Variants in ZNF385D observed in about 807,000 individuals in gnomAD.
ZNF385D encodes zinc finger protein 385D.
In ZNF385D, 15 loss-of-function variants were observed where a neutral mutation model predicts 35.8. The ratio of observed to expected loss-of-function variants is 0.42; its 90% CI spans 0.28 to 0.64. The LOEUF is 0.64. Ranked by LOEUF, ZNF385D falls within the 30% of genes least tolerant of loss-of-function variation. The probability of loss-of-function intolerance (pLI) is 0.23; values close to 1 mark genes in which losing one functional copy is unlikely to be tolerated. For missense variants in ZNF385D, 474 were observed against 494.6 expected (o/e 0.96, Z 0.39); for synonymous variants, 212 against 186.8 (o/e 1.13, Z -1.10).
At chr3:21,957,471 A>G (rs2125310872) in intron 3 of ZNF385D, among the ~76,000 whole-genome samples, 1 of 152,254 alleles carries the variant, frequency 6.6e-6, no homozygotes, top group African/African-American at 2.4e-5. Flanking sequence ...AATATGAACA[A>G]TAAGGTCCAG....
rs1575432248 is a variant in ZNF385D at position 21,670,647 on chromosome 3, G to GCCCCCCCCCCC, written c.23-5620_23-5619insGGGGGGGGGGG. ...CTGAGAAATAAAAATGAAATCCTAA[G>GCCCCCCCCCCC]GCGCCCCCCCCCCCCCCCCCCCCCC... On this transcript the variant is annotated intron_variant, in intron 1 of 7. Transcript: ENST00000281523. Among the ~76,000 whole-genome samples the GCCCCCCCCCCC allele has an allele frequency of 5.1e-4, 8 of 15,758 alleles. 3 individuals are homozygous for GCCCCCCCCCCC. Among genetic ancestry groups the GCCCCCCCCCCC allele is most frequent in the Non-Finnish European group, 8.6e-4 (7 of 8,140 alleles). 10.3% of individuals were successfully genotyped at this position (15,758 alleles called of 152,430 possible).
intron 1 of ZNF385D, among the ~76,000 whole-genome samples, chr3:21,718,501 G>A (rs563882854): frequency 6.6e-6 from 1 of 152,328 alleles, no homozygotes; most frequent in Non-Finnish European, 1.5e-5. Flanking sequence ...CCGGATATTT[G>A]CTAAGAACTT....
intron 3 of ZNF385D, among the ~76,000 whole-genome samples, chr3:21,771,579 G>C (rs137982490): frequency 2.0e-5 from 3 of 151,648 alleles, no homozygotes; most frequent in Admixed American, 2.0e-4. Flanking sequence ...AAAGATGCTC[G>C]AACAGTTGAA....
intron 3 of ZNF385D, among the ~76,000 whole-genome samples, chr3:21,959,200 G>C (rs1490852080): frequency 6.6e-6 from 1 of 152,088 alleles, no homozygotes; most frequent in Non-Finnish European, 1.5e-5. Context: ...GCTTTTCCTT[G>C]GTTAGAGATC....
At chr3:22,211,227 C>A (rs959125706) in intron 2 of ZNF385D, among the ~76,000 whole-genome samples, 1 of 151,848 alleles carries the variant, frequency 6.6e-6, no homozygotes, top group Non-Finnish European at 1.5e-5. Flanking sequence ...ATCTGTAGTA[C>A]ATACCAGATA....
chr3:22,206,473 TAC>T (rs1697162372), intron 2 of ZNF385D, among the ~76,000 whole-genome samples: 1 of 151,994 alleles, frequency 6.6e-6, no homozygotes, highest in Non-Finnish European at 1.5e-5. Context: ...TGCTGCAGAA[TAC>T]ACATTCTTAC....
chr3:21,915,774 A>G (rs1449083792), intron 3 of ZNF385D, among the ~76,000 whole-genome samples: 1 of 152,222 alleles, frequency 6.6e-6, no homozygotes, highest in South Asian at 2.1e-4. Flanking sequence ...AAATTAGTCA[A>G]AAAGCAAAGA....
rs182347358 is a variant in ZNF385D, at chr3:22,090,380, G to C, written c.325+78437C>G. On this transcript the variant is annotated intron_variant, in intron 3 of 5. Transcript: ENST00000494108. The stretch of plus-strand genomic sequence containing the variant: ...ATTGCCTGTGGTATATTGTGATAAA[G>C]TGCCAACTGAAGCCAGTGACTTAAG... Among the ~76,000 whole-genome samples, 657 of 152,194 alleles carry C rather than the reference G, an allele frequency of 4.3e-3. 4 individuals carry two copies. Among genetic ancestry groups the C allele is most frequent in the Middle Eastern group, 0.01 (3 of 294 alleles).
At chr3:21,467,006 A>G (rs1386940919) in intron 4 of ZNF385D, among the ~76,000 whole-genome samples, 1 of 152,180 alleles carries the variant, frequency 6.6e-6, no homozygotes, top group African/African-American at 2.4e-5. Flanking sequence ...CACTATACCA[A>G]GCTTCTTACC....
At chr3:22,117,465 G>C (rs1702871386) in intron 3 of ZNF385D, among the ~76,000 whole-genome samples, 1 of 151,954 alleles carries the variant, frequency 6.6e-6, no homozygotes, top group Non-Finnish European at 1.5e-5. Context: ...TCTGGCTTGA[G>C]GAGGAAAAGA....
intron 3 of ZNF385D, among the ~76,000 whole-genome samples, chr3:22,152,463 G>C (rs1705301906): frequency 1.3e-5 from 2 of 152,092 alleles, no homozygotes; most frequent in Admixed American, 6.6e-5. Context: ...GGATTCTATG[G>C]GGTGAAATCA....
chr3:22,290,114 T>G (rs140747533), intron 2 of ZNF385D, among the ~76,000 whole-genome samples: 119 of 152,286 alleles, frequency 7.8e-4, no homozygotes, highest in African/African-American at 2.8e-3. Context: ...TAGTCCATTA[T>G]GCTTCCAAGG....
chr3:22,164,996 G>T (rs1233110577), intron 3 of ZNF385D, among the ~76,000 whole-genome samples: 1 of 152,166 alleles, frequency 6.6e-6, no homozygotes, highest in Non-Finnish European at 1.5e-5. Context: ...AAGATCAGTG[G>T]TTATGAGGGA....
chr3:22,034,909 A>C (rs184458429), intron 3 of ZNF385D, among the ~76,000 whole-genome samples: 5 of 152,356 alleles, frequency 3.3e-5, no homozygotes, highest in Non-Finnish European at 5.9e-5. Flanking sequence ...TGTTGAATTT[A>C]TCTTACAGAA....
intron 3 of ZNF385D, among the ~76,000 whole-genome samples, chr3:22,042,755 G>A (rs1372341290): frequency 6.6e-6 from 1 of 152,118 alleles, no homozygotes; most frequent in African/African-American, 2.4e-5. Flanking sequence ...TATTGTAAAG[G>A]TCTAATTTAA....
At chr3:22,158,739 G>A (rs1002104919) in intron 3 of ZNF385D, among the ~76,000 whole-genome samples, 9 of 151,882 alleles carry the variant, frequency 5.9e-5, no homozygotes, top group African/African-American at 1.4e-4. Flanking sequence ...CAAAAAACAC[G>A]GTGGTTAAGA....
chr3:21,631,155 T>G (rs540097394), intron 2 of ZNF385D, among the ~76,000 whole-genome samples: 1 of 152,102 alleles, frequency 6.6e-6, no homozygotes, highest in Admixed American at 6.6e-5. Flanking sequence ...AAACACTGAA[T>G]AGAAACTTTC....
intron 2 of ZNF385D, among the ~76,000 whole-genome samples, chr3:22,339,725 G>C (rs1695336040): frequency 6.6e-6 from 1 of 152,124 alleles, no homozygotes; most frequent in African/African-American, 2.4e-5. Flanking sequence ...TCACTCCTTA[G>C]AAATCAGTAC....
At chr3:21,992,275 C>T (rs1017362438) in intron 3 of ZNF385D, among the ~76,000 whole-genome samples, 3 of 152,018 alleles carry the variant, frequency 2.0e-5, no homozygotes, top group African/African-American at 7.2e-5. Context: ...TATCTAGTAG[C>T]TGCAGGTATC....
Sources: allele counts gnomAD v4.1 joint callset (sites outside exome capture counted in the v4.1 genomes callset), GRCh38; gene constraint gnomAD v4.1.1; transcripts MANE v1.5; gene names NCBI Gene and HGNC (gene_info 2026-07-23, HGNC 2026-07-21).